Variants in TRNAU1AP observed in about 807,000 individuals in gnomAD.
The protein encoded by TRNAU1AP is tRNA selenocysteine 1 associated protein 1.
In TRNAU1AP, 33 loss-of-function variants were observed where a neutral mutation model predicts 43.3. That is an observed-to-expected ratio of 0.76 (90% confidence interval 0.58 to 1.02). The LOEUF (loss-of-function observed/expected upper bound fraction) is 1.02, where lower values mean the gene tolerates loss of function less well. TRNAU1AP is among the 50% of genes least tolerant of loss of function. TRNAU1AP has a pLI of 0.00. For missense variants in TRNAU1AP, 290 were observed against 362.7 expected (o/e 0.80, Z 1.63); for synonymous variants, 143 against 129.1 (o/e 1.11, Z -0.73).
rs1326686252 is a variant in TRNAU1AP, at chr1:28,564,840, G to T, written c.410+6G>T. On this transcript the variant is annotated splice_donor_region_variant and intron_variant, in intron 5 of 8. Coordinates refer to ENST00000373830, the MANE Select transcript of TRNAU1AP (RefSeq NM_017846.5). The stretch of plus-strand genomic sequence containing the variant: ...GACCAGACAGGCGTGTCTAAGTAAG[G>T]CCTTACTTGTTACTGATGCTTAACT... 3 of 1,613,934 alleles carry T rather than the reference G, an allele frequency of 1.9e-6. No homozygotes were observed. In the South Asian group the frequency reaches 3.3e-5, roughly 18 times the overall value.
intron 4 of TRNAU1AP, 144 bp downstream of exon 4, chr1:28,561,542 CCTG>C: frequency 1.1e-6 from 1 of 919,942 alleles, no homozygotes. Context: ...GGTGGACCTT[CCTG>C]GTGTGCTTCA....
intron 2 of TRNAU1AP, among the ~76,000 whole-genome samples, chr1:28,554,227 A>T (rs1665203325): frequency 6.6e-6 from 1 of 151,024 alleles, no homozygotes; most frequent in Non-Finnish European, 1.5e-5. Context: ...AAAACAAAAA[A>T]CGCAGGACTC....
chr1:28,566,314 CAAAAA>C (rs58656186), intron 5 of TRNAU1AP, among the ~76,000 whole-genome samples: 4 of 105,666 alleles, frequency 3.8e-5, no homozygotes, highest in Admixed American at 1.1e-4. Flanking sequence ...GACTCCATCT[CAAAAA>C]AAAAAAAAAA....
intron 8 of TRNAU1AP, chr1:28,574,564 G>GCTATTTTTTT (rs1665732915): frequency 6.6e-6 from 1 of 151,912 alleles, no homozygotes; most frequent in Non-Finnish European, 1.5e-5. Context: ...ACCATAACTG[G>GCTATTTTTTT]CTATTTTTTT....
In TRNAU1AP at chr1:28,564,704, C is replaced by T; in HGVS notation, c.280C>T (p.Pro94Ser). The T allele has an allele frequency of 6.2e-7, 1 of 1,613,560 alleles. No individual in the cohort carries two copies. The highest frequency in any genetic ancestry group is 1.7e-4 in the Middle Eastern group (1 of 6,060). The change falls in exon 5 of 9, where the codon CCT becomes TCT. Residue 94 changes from proline (P) to serine (S), a missense_variant and splice_region_variant. Physicochemically the swap from Pro to Ser is moderately conservative, Grantham distance 74 (BLOSUM62 -1). This residue lies in a region of TRNAU1AP where 174 missense variants were observed against 262.1 expected (regional missense o/e 0.66). Coordinates refer to ENST00000373830, the MANE Select transcript of TRNAU1AP (RefSeq NM_017846.5). ...AATCTTCTTGTTCTCTCTCCTCAGCCCTGAGTATTCCCTCTTTGTGGGGGA... is the reference window on the plus strand; with the variant it reads ...AATCTTCTTGTTCTCTCTCCTCAGCTCTGAGTATTCCCTCTTTGTGGGGGA... Reference protein sequence around the residue: ...ATYGKQPDNSPEYSLFVGDLT... With the variant: ...ATYGKQPDNSSEYSLFVGDLT...
At chr1:28,557,423 A>G (rs1195144090) in intron 2 of TRNAU1AP, among the ~76,000 whole-genome samples, 1 of 151,672 alleles carries the variant, frequency 6.6e-6, no homozygotes. Flanking sequence ...CTGTCTCAAA[A>G]AAAAGAAAAG....
chr1:28,555,801 C>G (rs1426184226), intron 2 of TRNAU1AP, among the ~76,000 whole-genome samples: 1 of 151,868 alleles, frequency 6.6e-6, no homozygotes, highest in African/African-American at 2.4e-5. Context: ...CAGAAAACCC[C>G]AGATAATCAG....
At chr1:28,561,986 CA>C (rs1299100318) in intron 4 of TRNAU1AP, among the ~76,000 whole-genome samples, 2 of 146,238 alleles carry the variant, frequency 1.4e-5, no homozygotes, top group African/African-American at 5.6e-5. Context: ...GCAGGAGGCT[CA>C]CCTGAGCCCA....
At chr1:28,565,336 T>G (rs1665512720) in intron 5 of TRNAU1AP, 1 of 156,318 alleles carries the variant, frequency 6.4e-6, no homozygotes, top group African/African-American at 2.4e-5. Flanking sequence ...ATACAAAAAA[T>G]TAGCCGGATG....
intron 2 of TRNAU1AP, among the ~76,000 whole-genome samples, chr1:28,557,475 T>C (rs1371672284): frequency 3.3e-5 from 5 of 150,840 alleles, no homozygotes; most frequent in East Asian, 1.9e-4. Flanking sequence ...GTTTCTTTTT[T>C]TTTTTTTTTT....
intron 8 of TRNAU1AP, among the ~76,000 whole-genome samples, chr1:28,575,414 A>G (rs915582238): frequency 6.7e-5 from 10 of 149,594 alleles, no homozygotes; most frequent in Admixed American, 4.0e-4. Flanking sequence ...CTGCCTCCCA[A>G]TGCTGGGATT....
Position 28,553,157 on chromosome 1 carries a change from C to T in TRNAU1AP, c.27+20C>T. The T allele has an allele frequency of 5.3e-6, 8 of 1,503,706 alleles. No homozygotes were observed. Among genetic ancestry groups the T allele is most frequent in the South Asian group, 1.3e-5 (1 of 79,684 alleles). 93.1% of individuals were successfully genotyped at this position (1,503,706 alleles called of 1,614,324 possible). A position where few individuals can be genotyped will look rare whatever the true frequency, so the allele number is the denominator to read the frequency against. Reference sequence around the variant, plus strand: ...GGCGACGTGAGTGAGGGCAGCCGTCCGGGGTCTGAAGACAAGGAAGCATCT... The same window carrying T: ...GGCGACGTGAGTGAGGGCAGCCGTCTGGGGTCTGAAGACAAGGAAGCATCT... On this transcript the variant is annotated intron_variant, in intron 1 of 8. Transcript: ENST00000373830.
In TRNAU1AP at chr1:28,564,742, C is replaced by A. The variant is rs367739070; in HGVS notation, c.318C>A (p.Asp106Glu). ...TCTTTGTGGGGGACCTGACCCCGGA[C>A]GTGGATGATGGCATGCTGTATGAAT... is the stretch of plus-strand genomic sequence containing the variant. Reference protein sequence around the residue: ...YSLFVGDLTPDVDDGMLYEFF... With the variant: ...YSLFVGDLTPEVDDGMLYEFF... Residue 106 changes from aspartate (D) to glutamate (E), a missense_variant, in exon 5 of 9, where the codon GAC (aspartate) becomes GAA (glutamate). Transcript: ENST00000373830. The A allele has an allele frequency of 1.9e-6, 3 of 1,614,030 alleles. No individual in the cohort carries two copies. Among genetic ancestry groups the A allele is most frequent in the South Asian group, 2.2e-5 (2 of 91,046 alleles).
chr1:28,558,480 G>A (rs1003931331), intron 2 of TRNAU1AP, among the ~76,000 whole-genome samples: 3 of 150,040 alleles, frequency 2.0e-5, no homozygotes, highest in African/African-American at 7.4e-5. Flanking sequence ...TGCAACTTCC[G>A]CCTCCCGCGT....
intron 3 of TRNAU1AP, 121 bp from the exon 4 acceptor site, chr1:28,561,225 G>A (rs1665397031): frequency 1.1e-5 from 16 of 1,502,174 alleles, no homozygotes; most frequent in Non-Finnish European, 1.2e-5. Flanking sequence ...AGGAGAAAAA[G>A]CTGAGGCTTA....
chr1:28,569,248 A>G (rs774792653), intron 6 of TRNAU1AP, among the ~76,000 whole-genome samples: 11 of 152,210 alleles, frequency 7.2e-5, no homozygotes, highest in Non-Finnish European at 1.5e-4. Flanking sequence ...AAAACATTAA[A>G]TTAGCTGGGC....
chr1:28,558,014 G>C (rs1570246447), intron 2 of TRNAU1AP, among the ~76,000 whole-genome samples: 2 of 149,530 alleles, frequency 1.3e-5, no homozygotes, highest in South Asian at 2.1e-4. Context: ...TCCTGCCTCA[G>C]CCTCCTGAGT....
chr1:28,554,233 G>A (rs576517177), intron 2 of TRNAU1AP, among the ~76,000 whole-genome samples: 45 of 150,018 alleles, frequency 3.0e-4, no homozygotes, highest in Non-Finnish European at 4.0e-4. Flanking sequence ...AAAAACGCAG[G>A]ACTCAAGCGA....
intron 5 of TRNAU1AP, 61 bp from the exon 6 acceptor site, chr1:28,567,233 T>G (rs1665560957): frequency 6.4e-7 from 1 of 1,572,126 alleles, no homozygotes; most frequent in Non-Finnish European, 8.7e-7. Flanking sequence ...TTCTTTTTCA[T>G]GTGTCCATTC....
Sources: allele counts gnomAD v4.1 joint callset (sites outside exome capture counted in the v4.1 genomes callset), GRCh38; gene constraint gnomAD v4.1.1; regional missense constraint gnomAD v4.1.1; transcripts MANE v1.5; gene names NCBI Gene and HGNC (gene_info 2026-07-23, HGNC 2026-07-21).